The following C19orf47 variants were observed in gnomAD, a reference collection of about 807,000 sequenced individuals.
The protein encoded by C19orf47 is uncharacterized protein C19orf47.
A neutral mutation model predicts 32.3 loss-of-function variants in C19orf47; 18 were observed. The observed-to-expected ratio is 0.56, with a 90% CI of 0.39 to 0.83. C19orf47 has a LOEUF of 0.83. Ranked by LOEUF, C19orf47 falls within the 40% of genes least tolerant of loss-of-function variation. The probability of loss-of-function intolerance (pLI) is 0.00; values close to 1 mark genes in which losing one functional copy is unlikely to be tolerated. For missense variants in C19orf47, 484 were observed against 531.6 expected, an observed-to-expected ratio of 0.91 and a Z score of 0.88; for synonymous variants, 202 against 211.1, an observed-to-expected ratio of 0.96 and a Z score of 0.37.
Position 40,324,067 on chromosome 19 carries a change from C to G in C19orf47, c.602G>C (p.Arg201Thr), listed in dbSNP as rs2077778554. Residue 201 changes from arginine to threonine, a missense_variant, in exon 8 of 9, where the codon AGG (arginine) becomes ACG (threonine). Around this residue, in one of 3 missense-constraint regions of C19orf47, gnomAD observed 376 missense variants for 370.2 expected, o/e 1.02. Coordinates refer to ENST00000683109, the MANE Select transcript of C19orf47 (RefSeq NM_001256441.2). ...GCCGAGGCGGTCAAACACAGACGTC[C>G]TATGGAGACCTGGGAGGGAAGTGAA... Reference protein sequence around the residue: ...EQQQAAKGLHRTSVFDRLGAE... With the variant: ...EQQQAAKGLHTTSVFDRLGAE... 2 of 1,614,122 alleles carry G rather than the reference C, an allele frequency of 1.2e-6. No homozygotes were observed. Among genetic ancestry groups the G allele is most frequent in the Non-Finnish European group, 1.7e-6 (2 of 1,180,032 alleles).
intron 2 of C19orf47, among the ~76,000 whole-genome samples, chr19:40,338,302 TATACAC>T (rs2078108442): frequency 6.7e-6 from 1 of 149,116 alleles, no homozygotes; most frequent in Non-Finnish European, 1.5e-5. Context: ...AATATATATA[TATACAC>T]ATATATATAC....
the C19orf47 span, among the ~76,000 whole-genome samples, chr19:40,304,790 C>G: frequency 0.33 from 50,234 of 152,006 alleles, 10,495 homozygotes; most frequent in African/African-American, 0.6. Flanking sequence ...TAGAAGGGTA[C>G]AGGGAAGCCA....
At chr19:40,302,241 G>A in the C19orf47 span, among the ~76,000 whole-genome samples, 2 of 152,204 alleles carry the variant, frequency 1.3e-5, no homozygotes, top group African/African-American at 4.8e-5. Context: ...AGTTTAATAA[G>A]AGACCAACCT....
intron 8 of C19orf47, 72 bp from the exon 9 acceptor site, chr19:40,322,448 C>A: frequency 6.8e-7 from 1 of 1,460,790 alleles, no homozygotes; most frequent in East Asian, 2.4e-5. Flanking sequence ...GCTGCTTCCT[C>A]TGTGCCTGGC....
the C19orf47 span, among the ~76,000 whole-genome samples, chr19:40,305,258 G>A: frequency 6.6e-6 from 1 of 151,570 alleles, no homozygotes; most frequent in South Asian, 2.1e-4. Flanking sequence ...GAGGAGAATC[G>A]CTTGAACCTG....
At chr19:40,329,155 C>T (rs2077897214) in intron 5 of C19orf47, among the ~76,000 whole-genome samples, 1 of 152,028 alleles carries the variant, frequency 6.6e-6, no homozygotes, top group Non-Finnish European at 1.5e-5. Flanking sequence ...AACTCACTCA[C>T]AAGAACATAA....
downstream of C19orf47, among the ~76,000 whole-genome samples, chr19:40,316,196 G>A (rs1253093859): frequency 1.3e-5 from 2 of 152,206 alleles, no homozygotes; most frequent in African/African-American, 4.8e-5. Flanking sequence ...CAGCAGCAGG[G>A]GGCTTGGGCA....
chr19:40,329,173 G>A (rs958383508), intron 5 of C19orf47, among the ~76,000 whole-genome samples: 18 of 151,990 alleles, frequency 1.2e-4, no homozygotes, highest in South Asian at 2.1e-4. Flanking sequence ...TAAGCTCCAC[G>A]AGGAGGCTGT....
rs369106920 is a variant in C19orf47 at position 40,321,969 on chromosome 19, C to T, written c.1071G>A (p.Gly357=). ...CACCAAGGCCCTCGCTGGAGCTGCTCCCCCGGGGCCCCACCAGAGTCCTCT... is the reference window on the plus strand; with the variant it reads ...CACCAAGGCCCTCGCTGGAGCTGCTTCCCCGGGGCCCCACCAGAGTCCTCT... ...TIKRTLVGPR[G]SSSSEGLGAQ... The change falls in exon 9 of 9, where the codon GGG becomes GGA. Residue 357 remains glycine (G), a synonymous_variant. Transcript: ENST00000683109. 7.4e-6 allele frequency: 12 copies of T among 1,613,676 alleles called. No homozygotes were observed. In the African/African-American group the frequency reaches 1.3e-4, roughly 18 times the overall value.
At chr19:40,298,711 ACT>A in the C19orf47 span, among the ~76,000 whole-genome samples, 5 of 152,160 alleles carry the variant, frequency 3.3e-5, no homozygotes, top group East Asian at 5.8e-4. Flanking sequence ...ACTATAAGTG[ACT>A]CTGTATGCAA....
chr19:40,297,767 A>T, the C19orf47 span, among the ~76,000 whole-genome samples: 1 of 151,196 alleles, frequency 6.6e-6, no homozygotes, highest in African/African-American at 2.4e-5. Context: ...CCAGCTACTC[A>T]GAAGGCTGAG....
chr19:40,302,898 T>G, the C19orf47 span, among the ~76,000 whole-genome samples: 1 of 152,136 alleles, frequency 6.6e-6, no homozygotes, highest in African/African-American at 2.4e-5. Flanking sequence ...AGACTTCAGA[T>G]AAATCACCAC....
downstream of C19orf47, among the ~76,000 whole-genome samples, chr19:40,318,459 G>A (rs780227330): frequency 7.2e-5 from 11 of 152,104 alleles, no homozygotes; most frequent in South Asian, 2.1e-4. Context: ...TATCATTGCA[G>A]TTCCTATTAC....
chr19:40,336,491 C>T, intron 2 of C19orf47, 84 bp from the exon 3 acceptor site: 1 of 1,230,694 alleles, frequency 8.1e-7, no homozygotes, highest in Admixed American at 2.0e-5. Flanking sequence ...GCAGCTCCCA[C>T]AAATTAAATG....
chr19:40,336,583 G>A (rs771405624), intron 2 of C19orf47, among the ~76,000 whole-genome samples, 176 bp from the exon 3 acceptor site: 1 of 152,194 alleles, frequency 6.6e-6, no homozygotes, highest in Non-Finnish European at 1.5e-5. Context: ...GAGTTAAGCA[G>A]TATTAAGATT....
intron 2 of C19orf47, among the ~76,000 whole-genome samples, chr19:40,339,829 G>A (rs1007274493): frequency 2.6e-5 from 4 of 151,920 alleles, no homozygotes; most frequent in Non-Finnish European, 5.9e-5. Context: ...AAATTAGCCA[G>A]GCATGGTGGT....
At chr19:40,335,789 T>G (rs1600200849) in intron 4 of C19orf47, among the ~76,000 whole-genome samples, 1 of 152,212 alleles carries the variant, frequency 6.6e-6, no homozygotes, top group East Asian at 1.9e-4. Context: ...TTTTGTATTT[T>G]TAGTACAGAC....
chr19:40,314,683 G>T (rs2077650740), downstream of C19orf47, among the ~76,000 whole-genome samples: 1 of 152,176 alleles, frequency 6.6e-6, no homozygotes, highest in Non-Finnish European at 1.5e-5. Flanking sequence ...TTGCCCCCAA[G>T]GAGATGGAGC....
the C19orf47 span, chr19:40,299,437 C>A: frequency 1.3e-5 from 2 of 152,028 alleles, no homozygotes; most frequent in East Asian, 1.9e-4. Context: ...TACCTGAGAT[C>A]CTATTAATCA....
Sources: gnomAD v4.1 joint callset for allele counts (sites outside exome capture counted in the v4.1 genomes callset) on GRCh38, gnomAD v4.1.1 for gene constraint, gnomAD v4.1.1 regional missense constraint, MANE v1.5 for transcripts, NCBI Gene and HGNC (gene_info 2026-07-23, HGNC 2026-07-21) for gene names.